The following RAB37 variants were observed in gnomAD, a reference collection of about 807,000 sequenced individuals.
RAB37 encodes the protein RAB37, member RAS oncogene family.
A neutral mutation model predicts 33.1 loss-of-function variants in RAB37; 29 were observed. The observed-to-expected ratio is 0.88, with a 90% confidence interval of 0.65 to 1.20. The LOEUF (loss-of-function observed/expected upper bound fraction) is 1.20, where lower values mean the gene tolerates loss of function less well. Among genes scored for constraint, RAB37 ranks in the 50% most tolerant of loss-of-function variants. RAB37 has a pLI of 0.00. For missense variants in RAB37, 299 were observed against 301.1 expected (o/e 0.99, Z 0.05); for synonymous variants, 128 against 119.5 (o/e 1.07, Z -0.47).
At chr17:74,722,234 G>A (rs1022340452) in intron 1 of RAB37, among the ~76,000 whole-genome samples, 4 of 150,454 alleles carry the variant, frequency 2.7e-5, no homozygotes, top group Non-Finnish European at 4.4e-5. Flanking sequence ...AGTGAGTCAA[G>A]ATCGTGCCCC....
chr17:74,729,086 C>A lies in RAB37; in HGVS notation c.73-170C>A, dbSNP rs143220513. On this transcript the variant is annotated intron_variant, in intron 1 of 7. Transcript: ENST00000340415. The surrounding 1 kb of genome is among the most constrained non-coding windows in gnomAD (Gnocchi z 4.2). ...TCTGTGTATGTGTGTACATGTTTTT[C>A]TATGTCTGTATGTGTGTGTCAGTGT... 3.0e-3 allele frequency among the ~76,000 whole-genome samples: 455 copies of A among 151,982 alleles called. 2 individuals carry two copies. The highest frequency in any genetic ancestry group is 0.01 in the African/African-American group (420 of 41,440).
chr17:74,706,839 G>A (rs1037171), intron 1 of RAB37, among the ~76,000 whole-genome samples: 81,720 of 152,052 alleles, frequency 0.54, 26,604 homozygotes, highest in Middle Eastern at 0.78. Flanking sequence ...ACTCCAGCCC[G>A]GGTCCTGGGG....
intron 1 of RAB37, among the ~76,000 whole-genome samples, chr17:74,718,321 T>TATCATATCATATCATAC (rs1555591397): frequency 0.059 from 1,797 of 30,550 alleles, 21 homozygotes; most frequent in Non-Finnish European, 0.14. Context: ...TCATACATCA[T>TATCATATCATATCATAC]ATCATATCAT....
upstream of RAB37, among the ~76,000 whole-genome samples, chr17:74,732,499 G>A (rs1339564104): frequency 1.5e-5 from 2 of 135,696 alleles, no homozygotes; most frequent in Non-Finnish European, 3.2e-5. Context: ...TGATTTGAGG[G>A]GTGTGGCAGG....
chr17:74,714,255 G>T (rs1233214668), intron 1 of RAB37, among the ~76,000 whole-genome samples: 1 of 151,960 alleles, frequency 6.6e-6, no homozygotes, highest in East Asian at 1.9e-4. Flanking sequence ...GCAGAGTCAT[G>T]CATGCCTGTA....
upstream of RAB37, chr17:74,736,574 T>C (rs1598319901): frequency 2.7e-6 from 4 of 1,508,794 alleles, no homozygotes; most frequent in Non-Finnish European, 3.5e-6. Context: ...CACTGGGAGA[T>C]GTGTGCTGCG....
chr17:74,704,191 C>T (rs2033313738), intron 1 of RAB37, among the ~76,000 whole-genome samples: 1 of 152,172 alleles, frequency 6.6e-6, no homozygotes. Flanking sequence ...CCCTTTGGCC[C>T]ATGGGCTGAA....
chr17:74,737,121 C>G (rs762998834), upstream of RAB37: 2 of 1,592,148 alleles, frequency 1.3e-6, no homozygotes, highest in Non-Finnish European at 8.5e-7. Flanking sequence ...CAGCAAGGTC[C>G]GAGCCGGTGT....
chr17:74,721,457 G>A (rs2034239487), intron 1 of RAB37, among the ~76,000 whole-genome samples: 1 of 148,336 alleles, frequency 6.7e-6, no homozygotes, highest in South Asian at 2.1e-4. Flanking sequence ...TTTTGAGATG[G>A]AGTCTTGTTC....
chr17:74,745,290 T>C lies in RAB37; in HGVS notation c.567-16T>C. Reference sequence around the variant, plus strand: ...GCCCAGCCCAGCCCAGCCCAGCCCATTGTCTCTTCTTCAAGGGAACTGAAA... The same window carrying C: ...GCCCAGCCCAGCCCAGCCCAGCCCACTGTCTCTTCTTCAAGGGAACTGAAA... On this transcript the variant is annotated splice_polypyrimidine_tract_variant and intron_variant, in intron 8 of 8. Coordinates refer to ENST00000392613, the MANE Select transcript of RAB37 (RefSeq NM_001006638.3). The surrounding 1 kb of genome is among the most constrained non-coding windows in gnomAD (Gnocchi z 4.5). 1 of 1,520,538 alleles carries C rather than the reference T, an allele frequency of 6.6e-7. No individual in the cohort carries two copies. The highest frequency in any genetic ancestry group is 9.1e-7 in the Non-Finnish European group (1 of 1,099,064). 94.2% of individuals were successfully genotyped at this position (1,520,538 alleles called of 1,614,324 possible). A position where few individuals can be genotyped will look rare whatever the true frequency, so the allele number is the denominator to read the frequency against.
At chr17:74,731,223 G>A (rs114977378) in intron 2 of RAB37, among the ~76,000 whole-genome samples, 2,107 of 152,318 alleles carry the variant, frequency 0.014, 62 homozygotes, top group African/African-American at 0.047. Context: ...TCCTTCTCAC[G>A]GAGATTTGAG....
Position 74,729,275 on chromosome 17 carries a change from G to C in RAB37, c.92G>C (p.Ser31Thr). 1 of 1,613,968 alleles carries C rather than the reference G, an allele frequency of 6.2e-7. No homozygotes were observed. Among genetic ancestry groups the C allele is most frequent in the Non-Finnish European group, 8.5e-7 (1 of 1,179,872 alleles). The change falls in exon 2 of 8, where the codon AGT becomes ACT. Residue 31 changes from serine (S) to threonine (T), a missense_variant. Ser to Thr is a moderately conservative substitution (Grantham distance 58). Transcript: ENST00000340415. This position sits in a 1 kb window ranked among gnomAD's most constrained non-coding sequence, Gnocchi z 4.2. ...TTCCAGACCATCCTGGTGGGTGACA[G>C]TGGTGTGGGAAAGACGTCTCTGCTG...
rs2034709165 is a variant in RAB37 at position 74,744,735 on chromosome 17, T to C, written c.433-138T>C. On this transcript the variant is annotated intron_variant, in intron 6 of 8. Transcript: ENST00000392613. The surrounding 1 kb of genome is among the most constrained non-coding windows in gnomAD (Gnocchi z 4.2). ...TGGGAGCTACACTGGGCAGAAACCC[T>C]GGCCCCAGGCCAATCACACCTGCCT... 3.9e-6 allele frequency: 4 copies of C among 1,018,316 alleles called. No homozygotes were observed. The highest frequency in any genetic ancestry group is 2.7e-5 in the South Asian group (2 of 74,636). 63.1% of individuals were successfully genotyped at this position (1,018,316 alleles called of 1,614,324 possible).
In RAB37 at chr17:74,744,461, C is replaced by A; in HGVS notation, c.432+88C>A. The A allele has an allele frequency of 7.8e-7, 1 of 1,289,814 alleles. No individual in the cohort carries two copies. The highest frequency in any genetic ancestry group is 1.1e-6 in the Non-Finnish European group (1 of 889,136). 79.9% of individuals were successfully genotyped at this position (1,289,814 alleles called of 1,614,324 possible). The stretch of plus-strand genomic sequence containing the variant: ...AACCACCCAAGAACAGTTATCTAGG[C>A]ATCCTTCCTGAAAAGGACTCTGCAG... On this transcript the variant is annotated intron_variant, in intron 6 of 8. Transcript: ENST00000392613. This position sits in a 1 kb window ranked among gnomAD's most constrained non-coding sequence, Gnocchi z 4.2.
intron 1 of RAB37, among the ~76,000 whole-genome samples, chr17:74,714,431 A>ACACACG (rs888843670): frequency 3.7e-4 from 56 of 150,842 alleles, no homozygotes; most frequent in African/African-American, 1.2e-3. Flanking sequence ...ACACACACAC[A>ACACACG]CACGCACGCA....
At chr17:74,719,437 A>T (rs2034209921) in intron 1 of RAB37, among the ~76,000 whole-genome samples, 1 of 152,214 alleles carries the variant, frequency 6.6e-6, no homozygotes, top group Non-Finnish European at 1.5e-5. Flanking sequence ...TGGGCAACAC[A>T]GCAAGAACTC....
intron 1 of RAB37, among the ~76,000 whole-genome samples, chr17:74,714,628 G>A (rs1266722780): frequency 6.6e-6 from 1 of 152,142 alleles, no homozygotes; most frequent in East Asian, 1.9e-4. Context: ...GTCTACCTGA[G>A]GAAACCAGTT....
At chr17:74,703,028 G>A in intron 1 of RAB37, 2 of 1,609,952 alleles carry the variant, frequency 1.2e-6, no homozygotes, top group Non-Finnish European at 1.7e-6. Context: ...AACCAGAGCT[G>A]GCTTACCTGT....
At chr17:74,698,212 C>T (rs913847930) in intron 1 of RAB37, among the ~76,000 whole-genome samples, 8 of 152,156 alleles carry the variant, frequency 5.3e-5, no homozygotes, top group African/African-American at 9.7e-5. Flanking sequence ...AGCTCCAGGG[C>T]GCCCCCCGGT....
Sources: allele counts gnomAD v4.1 joint callset (sites outside exome capture counted in the v4.1 genomes callset), GRCh38; gene constraint gnomAD v4.1.1; non-coding constraint Gnocchi (gnomAD v3.1); transcripts MANE v1.5; gene names NCBI Gene and HGNC (gene_info 2026-07-23, HGNC 2026-07-21).